GOLM1: variants seen among roughly 807,000 people sequenced by gnomAD.
The protein encoded by GOLM1 is epididymis luminal protein 46.
Under a neutral mutation model 50.5 loss-of-function variants are expected in GOLM1, and 31 were observed. The observed-to-expected ratio is 0.61, with a 90% confidence interval of 0.46 to 0.83. The LOEUF is 0.83. Ranked by LOEUF, GOLM1 falls within the 40% of genes least tolerant of loss-of-function variation. The pLI, the probability that GOLM1 is intolerant of heterozygous loss-of-function variation, is 0.00. For synonymous variants in GOLM1, 178 were observed against 192.8 expected (o/e 0.92, Z 0.64); for missense variants, 491 against 501.3 (o/e 0.98, Z 0.20).
intron 9 of GOLM1, 81 bp from the exon 10 acceptor site, chr9:86,027,974 T>G: frequency 1.3e-6 from 1 of 757,804 alleles, no homozygotes; most frequent in Non-Finnish European, 2.2e-6. Context: ...TCTTATCAAC[T>G]TCTAGAAACT....
At chr9:86,099,077 G>A (rs1467327353) in intron 1 of GOLM1, among the ~76,000 whole-genome samples, 1 of 152,194 alleles carries the variant, frequency 6.6e-6, no homozygotes, top group Non-Finnish European at 1.5e-5. Context: ...CGACGCGCGT[G>A]ACAAAGCTCA....
Position 86,059,721 on chromosome 9 carries a change from C to T in GOLM1, c.310-7130G>A, listed in dbSNP as rs557700954. Among the ~76,000 whole-genome samples, 31 of 151,690 alleles carry T rather than the reference C, an allele frequency of 2.0e-4. 2 individuals carry two copies. The South Asian group carries it at 6.3e-3, about 31-fold the overall frequency. On this transcript the variant is annotated intron_variant, in intron 3 of 9. Coordinates refer to ENST00000388712, the MANE Select transcript of GOLM1 (RefSeq NM_016548.4). ...ACCAGCCTAGCCAACATACTGAAAC[C>T]CCGTCTCTACTAAAAATACAAAAAT...
rs997042204 is a variant in GOLM1, at chr9:86,047,793, T to C, written c.365-1221A>G. On this transcript the variant is annotated intron_variant, in intron 4 of 9. Transcript: ENST00000388712. ...CTTGTATCACAGTGACATGGACGAA[T>C]CGCAAATAACTATGCTGAGAGAGAA... 2.0e-5 allele frequency among the ~76,000 whole-genome samples: 3 copies of C among 152,156 alleles called. No homozygotes were observed. In the East Asian group the frequency reaches 5.8e-4, roughly 29 times the overall value.
At chr9:86,070,328 C>G (rs1185809063) in intron 3 of GOLM1, among the ~76,000 whole-genome samples, 1 of 152,024 alleles carries the variant, frequency 6.6e-6, no homozygotes, top group Non-Finnish European at 1.5e-5. Flanking sequence ...AATCCCAGTA[C>G]TTTGGGAGGC....
At chr9:86,072,867 G>C (rs891365868) in intron 3 of GOLM1, among the ~76,000 whole-genome samples, 1 of 152,110 alleles carries the variant, frequency 6.6e-6, no homozygotes, top group African/African-American at 2.4e-5. Flanking sequence ...GTACAGCATG[G>C]GACTGTACTG....
intron 4 of GOLM1, 150 bp from the exon 5 acceptor site, chr9:86,046,722 A>C (rs1445847297): frequency 1.5e-6 from 1 of 646,768 alleles, no homozygotes; most frequent in Non-Finnish European, 2.8e-6. Context: ...AGCTGAAAAC[A>C]CAGTCCCTCC....
At chr9:86,045,703 C>A (rs1010144761) in intron 5 of GOLM1, among the ~76,000 whole-genome samples, 33 of 151,222 alleles carry the variant, frequency 2.2e-4, no homozygotes, top group African/African-American at 7.3e-4. Flanking sequence ...TATACACACA[C>A]ACACACACAC....
chr9:86,077,532 C>A lies in GOLM1; in HGVS notation c.189G>T (p.Val63=), dbSNP rs774711088. Residue 63 remains valine (V), a synonymous_variant, in exon 3 of 10, where the codon GTG becomes GTT. Transcript: ENST00000388712. The stretch of plus-strand genomic sequence containing the variant: ...CCTGGAACTCGTTCTTCTTCAGCTC[C>A]ACGGCGCCTCTCTCTGCAGCCGCCC... The part of the protein sequence containing the change: ...VRRAAAERGA[V]ELKKNEFQGE... The A allele has an allele frequency of 1.9e-6, 3 of 1,613,424 alleles. No homozygotes were observed. The highest frequency in any genetic ancestry group is 2.5e-6 in the Non-Finnish European group (3 of 1,179,418).
intron 1 of GOLM1, among the ~76,000 whole-genome samples, chr9:86,089,374 CCT>C (rs1563969379): frequency 6.6e-6 from 1 of 152,138 alleles, no homozygotes; most frequent in Non-Finnish European, 1.5e-5. Context: ...CCATTCCCCC[CCT>C]CACTTTCAGG....
Position 86,036,462 on chromosome 9 carries a change from G to T in GOLM1, c.643C>A (p.Leu215Met), listed in dbSNP as rs765322680. Residue 215 changes from leucine to methionine, a missense_variant, in exon 7 of 10, where the codon CTG (leucine) becomes ATG (methionine). Coordinates refer to ENST00000388712, the MANE Select transcript of GOLM1 (RefSeq NM_016548.4). ...EPQPRLQAAG[L>M]PHTEVPQGKG... Reference sequence around the variant, plus strand: ...CCTTGTGGCACCTCTGTGTGTGGCAGGCCTGCTGCCTGCAGCCTGGGCTGA... The same window carrying T: ...CCTTGTGGCACCTCTGTGTGTGGCATGCCTGCTGCCTGCAGCCTGGGCTGA... 4.3e-6 allele frequency: 7 copies of T among 1,614,096 alleles called. No homozygotes were observed. Among genetic ancestry groups the T allele is most frequent in the Admixed American group, 1.7e-5 (1 of 60,018 alleles).
chr9:86,035,671 T>TAAAAAA lies in GOLM1; in HGVS notation c.758-52_758-47dup, dbSNP rs375193474. The TAAAAAA allele has an allele frequency of 2.6e-5, 23 of 873,098 alleles. No homozygotes were observed. The African/African-American group carries it at 4.0e-4, about 15-fold the overall frequency. The allele number at this position is 873,098 out of a possible 1,614,324, so 54.1% of individuals were successfully genotyped here. A position where few individuals can be genotyped will look rare whatever the true frequency, so the allele number is the denominator to read the frequency against. On this transcript the variant is annotated intron_variant, in intron 7 of 9. Coordinates refer to ENST00000388712, the MANE Select transcript of GOLM1 (RefSeq NM_016548.4). The stretch of plus-strand genomic sequence containing the variant: ...GCTGTGACCTTGCCAGCATTTGATT[T>TAAAAAA]AAAAAAAAAAAAAAAAAAAAAAGCA...
chr9:86,027,712 T>C lies in GOLM1; in HGVS notation c.*105A>G. ...ATTTCACAATAATCATCTTCAGATG[T>C]ACATTTTATTTAGTACATTTCACAG... On this transcript the variant is annotated 3_prime_UTR_variant, in exon 10 of 10. Coordinates refer to ENST00000388712, the MANE Select transcript of GOLM1 (RefSeq NM_016548.4). The C allele has an allele frequency of 6.9e-7, 1 of 1,459,418 alleles. No homozygotes were observed. The highest frequency in any genetic ancestry group is 2.8e-5 in the Admixed American group (1 of 36,188). The allele number at this position is 1,459,418 out of a possible 1,614,324, so 90.4% of individuals were successfully genotyped here.
chr9:86,078,380 A>G lies in GOLM1; in HGVS notation c.130-789T>C, dbSNP rs148424328. On this transcript the variant is annotated intron_variant, in intron 2 of 9. Transcript: ENST00000388712. The stretch of plus-strand genomic sequence containing the variant: ...AAAGACAGCTAGGGATTTATAGCCA[A>G]CGAGCACAGTGCGGGGAGTCAGTGG... Among the ~76,000 whole-genome samples the G allele has an allele frequency of 6.9e-3, 1,046 of 152,344 alleles. 8 individuals carry two copies. The highest frequency in any genetic ancestry group is 1.0e-2 in the Non-Finnish European group (679 of 68,040).
At chr9:86,095,544 G>C (rs1200164239) in intron 1 of GOLM1, among the ~76,000 whole-genome samples, 1 of 152,000 alleles carries the variant, frequency 6.6e-6, no homozygotes, top group Non-Finnish European at 1.5e-5. Context: ...CAACGTGCCT[G>C]GCCAGTTTTT....
chr9:86,033,757 C>T (rs1833052541), intron 8 of GOLM1, among the ~76,000 whole-genome samples: 1 of 152,132 alleles, frequency 6.6e-6, no homozygotes, highest in Admixed American at 6.5e-5. Context: ...GACAGCATCT[C>T]CTTAGAATGG....
chr9:86,078,968 C>A (rs928395138), intron 2 of GOLM1, among the ~76,000 whole-genome samples: 4 of 152,102 alleles, frequency 2.6e-5, no homozygotes, highest in African/African-American at 9.7e-5. Flanking sequence ...GATACCACAA[C>A]CGCAATCCTA....
intron 3 of GOLM1, among the ~76,000 whole-genome samples, chr9:86,053,264 C>CT (rs1833833507): frequency 7.3e-6 from 1 of 137,852 alleles, no homozygotes; most frequent in Non-Finnish European, 1.6e-5. Flanking sequence ...CACACCACAA[C>CT]GCCAGACCAC....
At chr9:86,036,281 C>T in intron 7 of GOLM1, 67 bp downstream of exon 7, 1 of 1,539,882 alleles carries the variant, frequency 6.5e-7, no homozygotes, top group Non-Finnish European at 9.0e-7. Flanking sequence ...CAGCAGCTCG[C>T]TGGGACTGCT....
rs1313165814 is a variant in GOLM1 at position 86,027,238 on chromosome 9, T to C, written c.*579A>G. The C allele has an allele frequency of 2.0e-6, 2 of 985,464 alleles. No homozygotes were observed. Among genetic ancestry groups the C allele is most frequent in the East Asian group, 2.3e-4 (2 of 8,824 alleles). The allele number at this position is 985,464 out of a possible 1,614,324, so 61.0% of individuals were successfully genotyped here. ...AAAATTCTCACACAGAACAGCTTTG[T>C]ATTTAGACTTAAAGCTGTTGCTACT... is the stretch of plus-strand genomic sequence containing the variant. On this transcript the variant is annotated 3_prime_UTR_variant, in exon 10 of 10. Coordinates refer to ENST00000388712, the MANE Select transcript of GOLM1 (RefSeq NM_016548.4).
Sources: gnomAD v4.1 joint callset for allele counts (sites outside exome capture counted in the v4.1 genomes callset) on GRCh38, gnomAD v4.1.1 for gene constraint, MANE v1.5 for transcripts, NCBI Gene and HGNC (gene_info 2026-07-23, HGNC 2026-07-21) for gene names.